SPMIP2: variants seen among roughly 807,000 people sequenced by gnomAD.
SPMIP2 encodes the protein protein SPMIP2.
the SPMIP2 span, chr4:158,904,497 G>T: frequency 1.2e-6 from 2 of 1,612,998 alleles, no homozygotes; most frequent in Non-Finnish European, 1.7e-6. Flanking sequence ...TCTGTTGACT[G>T]CTATTGCCAG....
At chr4:158,949,565 T>TAGCATATAGATACC in the SPMIP2 span, among the ~76,000 whole-genome samples, 1 of 29,942 alleles carries the variant, frequency 3.3e-5, no homozygotes, top group African/African-American at 1.8e-4. Context: ...GTACTTCATG[T>TAGCATATAGATACC]GCTTCATGAC....
the SPMIP2 span, among the ~76,000 whole-genome samples, chr4:158,925,729 G>A: frequency 6.6e-6 from 1 of 152,236 alleles, no homozygotes; most frequent in African/African-American, 2.4e-5. Context: ...CTCCTGTGTA[G>A]CTCAGTTCCT....
chr4:159,032,568 A>G, the SPMIP2 span, among the ~76,000 whole-genome samples: 2 of 152,194 alleles, frequency 1.3e-5, no homozygotes, highest in African/African-American at 2.4e-5. Context: ...AGTTAGAAGA[A>G]ATTTTAAGTG....
chr4:158,965,720 G>T, the SPMIP2 span, among the ~76,000 whole-genome samples: 1 of 151,212 alleles, frequency 6.6e-6, no homozygotes, highest in Admixed American at 6.6e-5. Context: ...GAATAAGCTG[G>T]GAGTGGACAA....
the SPMIP2 span, among the ~76,000 whole-genome samples, chr4:159,022,027 A>G: frequency 6.6e-6 from 1 of 152,300 alleles, no homozygotes; most frequent in Non-Finnish European, 1.5e-5. Flanking sequence ...TTCAGCCCAC[A>G]TGATGAGCAT....
the SPMIP2 span, among the ~76,000 whole-genome samples, chr4:159,030,589 T>C: frequency 6.6e-6 from 1 of 152,024 alleles, no homozygotes; most frequent in South Asian, 2.1e-4. Context: ...CTCTGCCTTC[T>C]GAGTTCAAGC....
At chr4:158,922,211 G>T in the SPMIP2 span, among the ~76,000 whole-genome samples, 3 of 151,904 alleles carry the variant, frequency 2.0e-5, no homozygotes, top group Non-Finnish European at 4.4e-5. Context: ...TTTTTGATCT[G>T]CCTCCTTGTC....
At chr4:159,075,485 T>C in the SPMIP2 span, among the ~76,000 whole-genome samples, 5 of 152,196 alleles carry the variant, frequency 3.3e-5, no homozygotes, top group Admixed American at 6.5e-5. Flanking sequence ...GTTTCTATAA[T>C]GATGAGAGAT....
chr4:159,080,945 G>C, the SPMIP2 span, among the ~76,000 whole-genome samples: 2 of 152,030 alleles, frequency 1.3e-5, no homozygotes, highest in African/African-American at 4.8e-5. Context: ...GGATAGTCTC[G>C]ATCTCCTAAC....
At chr4:159,029,046 G>C in the SPMIP2 span, among the ~76,000 whole-genome samples, 2 of 152,210 alleles carry the variant, frequency 1.3e-5, no homozygotes, top group Non-Finnish European at 1.5e-5. Flanking sequence ...AGTGAGCTGA[G>C]ATCGTGCCAC....
chr4:159,023,658 T>G, the SPMIP2 span, among the ~76,000 whole-genome samples: 1 of 152,184 alleles, frequency 6.6e-6, no homozygotes, highest in Non-Finnish European at 1.5e-5. Context: ...AGACAGAATG[T>G]TCACAAAGAA....
At chr4:159,058,911 A>G in the SPMIP2 span, among the ~76,000 whole-genome samples, 2 of 106,994 alleles carry the variant, frequency 1.9e-5, no homozygotes, top group African/African-American at 6.4e-5. Context: ...CTGATCCACA[A>G]ATGGCATGTA....
At chr4:158,912,570 T>A in the SPMIP2 span, among the ~76,000 whole-genome samples, 5 of 152,340 alleles carry the variant, frequency 3.3e-5, no homozygotes, top group African/African-American at 1.2e-4. Context: ...AGCCACTCAC[T>A]GGGGGCTATG....
the SPMIP2 span, among the ~76,000 whole-genome samples, chr4:158,976,659 A>ATTTTTTTTTTTTTTTT: frequency 1.1e-5 from 1 of 94,732 alleles, no homozygotes; most frequent in African/African-American, 4.8e-5. Flanking sequence ...ATGGATAAGC[A>ATTTTTTTTTTTTTTTT]TTTTTTTTTT....
chr4:158,958,876 G>C, the SPMIP2 span, among the ~76,000 whole-genome samples: 1 of 152,160 alleles, frequency 6.6e-6, no homozygotes, highest in Non-Finnish European at 1.5e-5. Context: ...CCAGGAGGTT[G>C]TCAATACATT....
At chr4:158,939,142 G>A in the SPMIP2 span, among the ~76,000 whole-genome samples, 1 of 152,174 alleles carries the variant, frequency 6.6e-6, no homozygotes, top group South Asian at 2.1e-4. Flanking sequence ...TGAGCTGATC[G>A]GTAGCAATTG....
the SPMIP2 span, among the ~76,000 whole-genome samples, chr4:158,933,272 A>G: frequency 2.0e-5 from 3 of 152,160 alleles, no homozygotes; most frequent in Non-Finnish European, 4.4e-5. Context: ...TGGGATTGCA[A>G]ATGTGAAAAC....
chr4:158,909,579 T>C, the SPMIP2 span: 6 of 151,792 alleles, frequency 4.0e-5, no homozygotes, highest in Admixed American at 3.9e-4. Context: ...TGATGGTTTT[T>C]TTTTTTTTTT....
chr4:158,917,525 G>A, the SPMIP2 span, among the ~76,000 whole-genome samples: 1 of 151,580 alleles, frequency 6.6e-6, no homozygotes, highest in Non-Finnish European at 1.5e-5. Context: ...CCTTCCCCTC[G>A]ATGAGCTCCA....
Sources: allele counts gnomAD v4.1 joint callset (sites outside exome capture counted in the v4.1 genomes callset), GRCh38; gene constraint gnomAD v4.1.1; transcripts MANE v1.5; gene names NCBI Gene and HGNC (gene_info 2026-07-23, HGNC 2026-07-21).